Variants in ACTN2 observed in about 807,000 individuals in gnomAD.
The protein encoded by ACTN2 is actinin alpha 2, also known as alpha-actinin-2.
In ACTN2, 39 loss-of-function variants were observed where a neutral mutation model predicts 113.8. The ratio of observed to expected loss-of-function variants is 0.34; its 90% CI spans 0.27 to 0.45. ACTN2 has a LOEUF of 0.45. Ranked by LOEUF, ACTN2 falls within the 20% of genes least tolerant of loss-of-function variation. The pLI is 1.00. For missense variants in ACTN2, 992 were observed against 1,177.9 expected (o/e 0.84, Z 2.31); for synonymous variants, 429 against 444.1 (o/e 0.97, Z 0.43).
intron 6 of ACTN2, among the ~76,000 whole-genome samples, chr1:236,728,612 C>G (rs1465644878): frequency 6.9e-6 from 1 of 145,484 alleles, no homozygotes; most frequent in African/African-American, 2.6e-5. Context: ...GTTTTTGGGG[C>G]AGGCGTTTTT....
At chr1:236,739,577 C>A in intron 10 of ACTN2, 45 bp downstream of exon 10, 1 of 1,600,002 alleles carries the variant, frequency 6.2e-7, no homozygotes, top group Non-Finnish European at 8.5e-7. Context: ...GGGAAGCCCT[C>A]CTTCTAGCCT....
intron 1 of ACTN2, among the ~76,000 whole-genome samples, chr1:236,693,993 C>T (rs1657382778): frequency 6.6e-6 from 1 of 152,122 alleles, no homozygotes; most frequent in Non-Finnish European, 1.5e-5. Context: ...TTGCCTGTCA[C>T]TGTGTCTGAC....
chr1:236,712,022 G>A (rs933151739), intron 1 of ACTN2, among the ~76,000 whole-genome samples: 9 of 152,208 alleles, frequency 5.9e-5, no homozygotes, highest in African/African-American at 2.2e-4. Flanking sequence ...CAAAGAGCCT[G>A]CCTCCAGAAT....
intron 17 of ACTN2, 30 bp downstream of exon 17, chr1:236,755,228 C>T (rs991093143): frequency 1.9e-6 from 3 of 1,613,664 alleles, no homozygotes; most frequent in East Asian, 2.2e-5. Context: ...GTGTGCCGCT[C>T]ACTTCTCACG....
rs1659173488 is a variant in ACTN2 at position 236,744,699 on chromosome 1, G to C, written c.1329G>C (p.Lys443Asn). 3 of 1,614,102 alleles carry C rather than the reference G, an allele frequency of 1.9e-6. No individual in the cohort carries two copies. The highest frequency in any genetic ancestry group is 1.7e-5 in the Admixed American group (1 of 60,016). ...SLTEVRALLR[K>N]HEAFESDLAA... ...CAGAGGTGCGGGCTCTGCTGCGGAA[G>C]CACGAGGCGTTCGAGAGCGACCTGG... is the stretch of plus-strand genomic sequence containing the variant. Residue 443 changes from lysine (K) to asparagine (N), a missense_variant, in exon 12 of 21, where the codon AAG (lysine) becomes AAC (asparagine). Around this residue, in one of 3 missense-constraint regions of ACTN2, gnomAD observed 736 missense variants for 815.4 expected, o/e 0.90. Transcript: ENST00000366578.
Position 236,754,815 on chromosome 1 carries a change from GACAGACTAGA to G in ACTN2, c.1975-201_1975-192del, listed in dbSNP as rs1446428948. ...TGGTTGACTTTTTCCTCATTTTCTA[GACAGACTAGA>G]ACTAGACCTTGTTTTGTTCTGCGAT... On this transcript the variant is annotated intron_variant, in intron 16 of 20. Transcript: ENST00000366578. This position sits in a 1 kb window ranked among gnomAD's most constrained non-coding sequence, Gnocchi z 4.9. 4.6e-5 allele frequency among the ~76,000 whole-genome samples: 7 copies of G among 152,166 alleles called. No homozygotes were observed. The highest frequency in any genetic ancestry group is 1.7e-4 in the African/African-American group (7 of 41,426).
chr1:236,755,380 G>T (rs1256799016), intron 17 of ACTN2, among the ~76,000 whole-genome samples, 182 bp downstream of exon 17: 1 of 152,146 alleles, frequency 6.6e-6, no homozygotes, highest in Non-Finnish European at 1.5e-5. Flanking sequence ...CTATATCGAG[G>T]ACTATATGGT....
At chr1:236,709,328 A>G (rs905963174) in intron 1 of ACTN2, among the ~76,000 whole-genome samples, 1 of 137,002 alleles carries the variant, frequency 7.3e-6, no homozygotes, top group African/African-American at 2.9e-5. Context: ...ATATATATAC[A>G]TGTATATATA....
intron 7 of ACTN2, chr1:236,734,551 C>G: frequency 1.4e-6 from 2 of 1,435,716 alleles, no homozygotes; most frequent in Non-Finnish European, 9.4e-7. Context: ...ACTGCTCACC[C>G]TTCACCTTCT....
At chr1:236,746,114 C>T (rs370266221) in intron 12 of ACTN2, among the ~76,000 whole-genome samples, 3 of 143,178 alleles carry the variant, frequency 2.1e-5, no homozygotes, top group Non-Finnish European at 3.0e-5. Flanking sequence ...TGCAGTGAGC[C>T]GAGATCAGGC....
At position 236,720,067 on chromosome 1, in the gene ACTN2, G is replaced by A. The variant is rs562993131; in HGVS notation, c.362-38G>A. On this transcript the variant is annotated intron_variant, in intron 3 of 20. Transcript: ENST00000366578. The stretch of plus-strand genomic sequence containing the variant: ...AGGAAAAAAGTTACGTACAGACTAT[G>A]TTATCTTTACATTAATTTGTTGTTT... 72 of 1,415,250 alleles carry A rather than the reference G, an allele frequency of 5.1e-5. No individual in the cohort carries two copies. In the South Asian group the frequency reaches 7.6e-4, roughly 15 times the overall value. 87.7% of individuals were successfully genotyped at this position (1,415,250 alleles called of 1,614,324 possible).
intron 8 of ACTN2, among the ~76,000 whole-genome samples, chr1:236,736,283 T>A (rs373875268): frequency 6.6e-6 from 1 of 152,234 alleles, no homozygotes; most frequent in East Asian, 1.9e-4. Flanking sequence ...TTTCTGTTCC[T>A]CTCCTTGGAG....
Position 236,728,795 on chromosome 1 carries a change from G to A in ACTN2, c.615+1039G>A, listed in dbSNP as rs1012776281. ...TGTAGTCCCAGCACTTTGGGAAGCC[G>A]AGGCAGGAGGCTTGCTTGAGCCCAG... On this transcript the variant is annotated intron_variant, in intron 6 of 20. Transcript: ENST00000366578. Among the ~76,000 whole-genome samples the A allele has an allele frequency of 3.3e-5, 5 of 152,054 alleles. No individual in the cohort carries two copies. The East Asian group carries it at 7.8e-4, about 24-fold the overall frequency.
chr1:236,690,315 G>A (rs1441223241), intron 1 of ACTN2, among the ~76,000 whole-genome samples: 1 of 152,146 alleles, frequency 6.6e-6, no homozygotes, highest in Non-Finnish European at 1.5e-5. Flanking sequence ...TAGAGCACAA[G>A]GTGAAGGCTC....
At chr1:236,761,880 AC>A (rs1227335784) in intron 20 of ACTN2, among the ~76,000 whole-genome samples, 2 of 152,168 alleles carry the variant, frequency 1.3e-5, no homozygotes. Flanking sequence ...GATAAGACCA[AC>A]TATTTTTAAA....
chr1:236,708,098 A>T (rs541285296), intron 1 of ACTN2, among the ~76,000 whole-genome samples: 44 of 152,044 alleles, frequency 2.9e-4, no homozygotes, highest in African/African-American at 1.1e-3. Flanking sequence ...TCACGAAGCC[A>T]GGGTTCAGAT....
At position 236,735,498 on chromosome 1, in the gene ACTN2, G is replaced by A. The variant is rs1016545790; in HGVS notation, c.698-137G>A. ...TGGCCTTCCTGAGGTTCGGGACCACGGGCCCATGAAACACAGAAATCTGGT... is the reference window on the plus strand; with the variant it reads ...TGGCCTTCCTGAGGTTCGGGACCACAGGCCCATGAAACACAGAAATCTGGT... On this transcript the variant is annotated intron_variant, in intron 7 of 20. Transcript: ENST00000366578. The A allele has an allele frequency of 2.8e-5, 22 of 773,226 alleles. No homozygotes were observed. The East Asian group carries it at 4.5e-4, about 16-fold the overall frequency. The allele number at this position is 773,226 out of a possible 1,614,324, so 47.9% of individuals were successfully genotyped here.
In ACTN2 at chr1:236,744,729, G is replaced by C. The variant is rs780174131; in HGVS notation, c.1359G>C (p.Ala453=). Residue 453 remains alanine (A), a synonymous_variant, in exon 12 of 21, where the codon GCG becomes GCC. Coordinates refer to ENST00000366578, the MANE Select transcript of ACTN2 (RefSeq NM_001103.4). ...KHEAFESDLA[A]HQDRVEQIAA... is the part of the protein sequence containing the mutation. ...AGGCGTTCGAGAGCGACCTGGCAGC[G>C]CACCAGGACCGCGTGGAGCAGATCG... 3 of 1,614,182 alleles carry C rather than the reference G, an allele frequency of 1.9e-6. No individual in the cohort carries two copies. The highest frequency in any genetic ancestry group is 2.5e-6 in the Non-Finnish European group (3 of 1,180,034).
intron 1 of ACTN2, among the ~76,000 whole-genome samples, chr1:236,709,220 G>GTGTA (rs1275373436): frequency 1.3e-3 from 85 of 66,838 alleles, no homozygotes; most frequent in African/African-American, 4.9e-3. Context: ...ACAAATGACT[G>GTGTA]TATATATATA....
Sources: allele counts gnomAD v4.1 joint callset (sites outside exome capture counted in the v4.1 genomes callset), GRCh38; gene constraint gnomAD v4.1.1; regional missense constraint gnomAD v4.1.1; non-coding constraint Gnocchi (gnomAD v3.1); transcripts MANE v1.5; gene names NCBI Gene and HGNC (gene_info 2026-07-23, HGNC 2026-07-21).